The following ADGRE1 variants were observed in gnomAD, a reference collection of about 807,000 sequenced individuals.
ADGRE1 encodes adhesion G protein-coupled receptor E1.
Under a neutral mutation model 102.7 loss-of-function variants are expected in ADGRE1, and 82 were observed. The observed-to-expected ratio is 0.80, with a 90% CI of 0.67 to 0.96. ADGRE1 has a LOEUF of 0.96. Ranked by LOEUF, ADGRE1 falls within the 40% of genes least tolerant of loss-of-function variation. ADGRE1 has a pLI of 0.00. For synonymous variants in ADGRE1, 398 were observed against 399.6 expected, an observed-to-expected ratio of 1.00 and a Z score of 0.05; for missense variants, 1,032 against 1,085.3, an observed-to-expected ratio of 0.95 and a Z score of 0.69.
Position 6,940,079 on chromosome 19 carries a change from AGTT to A in ADGRE1, c.*51_*53del. 6.2e-7 allele frequency: 1 copy of A among 1,601,942 alleles called. No individual in the cohort carries two copies. The highest frequency in any genetic ancestry group is 8.5e-7 in the Non-Finnish European group (1 of 1,170,652). On this transcript the variant is annotated 3_prime_UTR_variant, in exon 21 of 21. Coordinates refer to ENST00000312053, the MANE Select transcript of ADGRE1 (RefSeq NM_001974.5). ...CTATGGAGCCACAGTTGAGGACAGTAGTTTCCTGCAGGAGCCTACCCTGAAATC... is the reference window on the plus strand; with the variant it reads ...CTATGGAGCCACAGTTGAGGACAGTATCCTGCAGGAGCCTACCCTGAAATC...
At chr19:6,904,899 C>T (rs1400325848) in intron 8 of ADGRE1, among the ~76,000 whole-genome samples, 5 of 152,104 alleles carry the variant, frequency 3.3e-5, no homozygotes, top group Non-Finnish European at 5.9e-5. Context: ...AGAAGGACTT[C>T]TCTAGAGGAA....
At chr19:6,896,783 C>CCTT (rs1973570967) in intron 3 of ADGRE1, 1 of 528,772 alleles carries the variant, frequency 1.9e-6, no homozygotes, top group Admixed American at 3.6e-5. Context: ...TTCCTTCCTT[C>CCTT]CTTCCTTCCT....
In ADGRE1 at chr19:6,900,614, T is replaced by G. The variant is rs75426678; in HGVS notation, c.515-1261T>G. Among the ~76,000 whole-genome samples the G allele has an allele frequency of 4.1e-3, 628 of 152,260 alleles. 3 individuals carry two copies. The highest frequency in any genetic ancestry group is 0.01 in the Middle Eastern group (3 of 294). On this transcript the variant is annotated intron_variant, in intron 5 of 20. Transcript: ENST00000312053. ...TTTCAGTCTTATTCTCTCCAATCCA[T>G]CCTCTACACTGCAGCCAGAATGTCC...
At chr19:6,894,451 AAGT>A (rs1051728412) in intron 2 of ADGRE1, among the ~76,000 whole-genome samples, 7 of 152,140 alleles carry the variant, frequency 4.6e-5, no homozygotes, top group African/African-American at 1.7e-4. Flanking sequence ...TTCCTGGAGG[AAGT>A]GATGCTAAAG....
chr19:6,922,122 G>A (rs1176326320), intron 14 of ADGRE1, among the ~76,000 whole-genome samples: 1 of 152,156 alleles, frequency 6.6e-6, no homozygotes, highest in Admixed American at 6.5e-5. Flanking sequence ...CCAGGCACTG[G>A]AGCAATCACA....
At chr19:6,907,487 C>T (rs148576085) in intron 9 of ADGRE1, among the ~76,000 whole-genome samples, 3,629 of 151,970 alleles carry the variant, frequency 0.024, 61 homozygotes, top group Non-Finnish European at 0.035. Context: ...CTACAGGCAC[C>T]CACCACCATG....
intron 8 of ADGRE1, 73 bp from the exon 9 acceptor site, chr19:6,906,360 A>C: frequency 7.2e-7 from 1 of 1,384,388 alleles, no homozygotes; most frequent in Non-Finnish European, 1.0e-6. Flanking sequence ...GGAGGACATG[A>C]AATCAGACTT....
intron 3 of ADGRE1, 49 bp downstream of exon 3, chr19:6,896,590 G>T (rs200882682): frequency 1.3e-6 from 2 of 1,593,342 alleles, no homozygotes; most frequent in Non-Finnish European, 8.6e-7. Flanking sequence ...GGAAAATCAA[G>T]TCAAAGCTGG....
At chr19:6,926,309 T>G in intron 15 of ADGRE1, 57 bp from the exon 16 acceptor site, 1 of 1,584,672 alleles carries the variant, frequency 6.3e-7, no homozygotes, top group Non-Finnish European at 8.6e-7. Context: ...CTTCCTTTCT[T>G]CCTTTCGATT....
chr19:6,903,489 A>G (rs950030280), intron 6 of ADGRE1, among the ~76,000 whole-genome samples: 3 of 152,156 alleles, frequency 2.0e-5, no homozygotes, highest in African/African-American at 7.2e-5. Flanking sequence ...AAGGAGTTCA[A>G]TCTCTCTCCA....
Position 6,926,441 on chromosome 19 carries a change from GTGA to G in ADGRE1, c.2064_2066del (p.Ile689del). The G allele has an allele frequency of 6.2e-7, 1 of 1,614,232 alleles. No homozygotes were observed. The highest frequency in any genetic ancestry group is 8.5e-7 in the Non-Finnish European group (1 of 1,180,050). Reference sequence around the variant, plus strand: ...CTTCTTCTGGATGCTGGTGGAGGCTGTGATACTGTTCTTGATGGTCAGAAACCT... The same window carrying G: ...CTTCTTCTGGATGCTGGTGGAGGCTGTACTGTTCTTGATGGTCAGAAACCT... On this transcript the variant is annotated inframe_deletion, in exon 16 of 21. Coordinates refer to ENST00000312053, the MANE Select transcript of ADGRE1 (RefSeq NM_001974.5).
In ADGRE1 at chr19:6,937,557, A is replaced by C. The variant is rs1745191427; in HGVS notation, c.2564A>C (p.Tyr855Ser). 6.2e-7 allele frequency: 1 copy of C among 1,613,674 alleles called. No individual in the cohort carries two copies. Among genetic ancestry groups the C allele is most frequent in the Non-Finnish European group, 8.5e-7 (1 of 1,179,974 alleles). Residue 855 changes from tyrosine to serine, a missense_variant, in exon 20 of 21, where the codon TAC becomes TCC. Transcript: ENST00000312053. ...CTCCTTCTCCAGGTACGAGAAGAAT[A>C]CAAGAGGTGGATCACTGGGAAGACG... ...CLLNGQVREE[Y>S]KRWITGKTKP...
At chr19:6,920,010 T>C (rs915397401) in intron 13 of ADGRE1, among the ~76,000 whole-genome samples, 5 of 152,138 alleles carry the variant, frequency 3.3e-5, no homozygotes, top group African/African-American at 9.7e-5. Context: ...GAGAAGTTTA[T>C]TGCAAGGCTG....
intron 6 of ADGRE1, among the ~76,000 whole-genome samples, chr19:6,902,760 G>A (rs539157777): frequency 3.4e-4 from 52 of 151,988 alleles, no homozygotes; most frequent in Non-Finnish European, 6.5e-4. Context: ...TTTTTGAGAC[G>A]GAGTCTTGGT....
intron 13 of ADGRE1, among the ~76,000 whole-genome samples, chr19:6,920,815 G>A (rs916707983): frequency 6.6e-6 from 1 of 152,036 alleles, no homozygotes; most frequent in African/African-American, 2.4e-5. Context: ...CACCCTTCTA[G>A]GATACATTCT....
In ADGRE1 at chr19:6,904,162, A is replaced by T; in HGVS notation, c.929A>T (p.Asp310Val). ...CCCAATCCAGAAGGCTCCCAGAAAGATGGCAACTTCAGCTGCCAAAGTAAT... is the reference window on the plus strand; with the variant it reads ...CCCAATCCAGAAGGCTCCCAGAAAGTTGGCAACTTCAGCTGCCAAAGTAAT... Reference protein sequence around the residue: ...FHPNPEGSQKDGNFSCQRVLF... With the variant: ...FHPNPEGSQKVGNFSCQRVLF... The change falls in exon 8 of 21, where the codon GAT becomes GTT. Residue 310 changes from aspartate (D) to valine (V), a missense_variant. Asp to Val is a radical substitution (Grantham distance 152, BLOSUM62 -3). Coordinates refer to ENST00000312053, the MANE Select transcript of ADGRE1 (RefSeq NM_001974.5). The T allele has an allele frequency of 6.2e-7, 1 of 1,614,130 alleles. No individual in the cohort carries two copies. The highest frequency in any genetic ancestry group is 8.5e-7 in the Non-Finnish European group (1 of 1,180,024).
chr19:6,912,679 T>C (rs149253644), intron 10 of ADGRE1, among the ~76,000 whole-genome samples: 97 of 152,306 alleles, frequency 6.4e-4, no homozygotes, highest in African/African-American at 2.3e-3. Context: ...TACTGCAATA[T>C]TCATTTTAAC....
chr19:6,926,702 G>T (rs1051188682), intron 16 of ADGRE1, 101 bp downstream of exon 16: 1 of 1,236,456 alleles, frequency 8.1e-7, no homozygotes. Context: ...AGTAGTTGTG[G>T]CTACCATTTA....
intron 13 of ADGRE1, among the ~76,000 whole-genome samples, chr19:6,920,318 C>G (rs1425479782): frequency 6.6e-6 from 1 of 151,590 alleles, no homozygotes; most frequent in East Asian, 1.9e-4. Flanking sequence ...CTCCCAGGTT[C>G]ACGCCAGTCT....
Sources: allele counts gnomAD v4.1 joint callset (sites outside exome capture counted in the v4.1 genomes callset), GRCh38; gene constraint gnomAD v4.1.1; transcripts MANE v1.5; gene names NCBI Gene and HGNC (gene_info 2026-07-23, HGNC 2026-07-21).